Variants in LYST observed in about 807,000 individuals in gnomAD.
LYST encodes the protein lysosomal trafficking regulator.
Under a neutral mutation model 413.6 loss-of-function variants are expected in LYST, and 192 were observed. The observed-to-expected ratio is 0.46, with a 90% CI of 0.41 to 0.52. LYST has a LOEUF of 0.52. Among genes scored for constraint, LYST ranks in the 20% least tolerant of loss-of-function variants. LYST has a pLI of 0.00. For missense variants in LYST, 3,815 were observed against 4,499.9 expected, an observed-to-expected ratio of 0.85 and a Z score of 4.35; for synonymous variants, 1,525 against 1,567.3, an observed-to-expected ratio of 0.97 and a Z score of 0.64.
At chr1:235,858,327 A>T (rs539473923) in intron 1 of LYST, among the ~76,000 whole-genome samples, 1 of 152,348 alleles carries the variant, frequency 6.6e-6, no homozygotes, top group East Asian at 1.9e-4. Context: ...TAAGCATGAT[A>T]ACCTATGGAA....
intron 47 of LYST, among the ~76,000 whole-genome samples, chr1:235,692,733 G>A (rs1382714287): frequency 1.3e-5 from 2 of 151,456 alleles, no homozygotes; most frequent in African/African-American, 4.8e-5. Flanking sequence ...CCACAAAAAC[G>A]TTTACATGGG....
chr1:235,825,790 G>A (rs1675262278), intron 3 of LYST, among the ~76,000 whole-genome samples: 1 of 152,028 alleles, frequency 6.6e-6, no homozygotes, highest in African/African-American at 2.4e-5. Context: ...CATCTTAAAT[G>A]AAATCCTAGT....
At chr1:235,678,897 T>G (rs1659594283) in intron 48 of LYST, among the ~76,000 whole-genome samples, 1 of 152,228 alleles carries the variant, frequency 6.6e-6, no homozygotes, top group African/African-American at 2.4e-5. Flanking sequence ...GGTATTATTT[T>G]TTAGGTATCT....
At chr1:235,859,055 T>C (rs1001616347) in intron 1 of LYST, among the ~76,000 whole-genome samples, 8 of 152,226 alleles carry the variant, frequency 5.3e-5, no homozygotes, top group African/African-American at 1.9e-4. Flanking sequence ...CTCCAACCCA[T>C]GTTCTTCCTT....
chr1:235,836,242 T>C (rs544524893), intron 1 of LYST, among the ~76,000 whole-genome samples: 20 of 152,244 alleles, frequency 1.3e-4, no homozygotes, highest in Non-Finnish European at 2.8e-4. Flanking sequence ...CAAATGTTAT[T>C]GAACATTTAC....
Position 235,776,491 on chromosome 1 carries a change from AATG to A in LYST, c.5460+569_5460+571del, listed in dbSNP as rs1208662493. On this transcript the variant is annotated intron_variant, in intron 17 of 52. Coordinates refer to ENST00000389793, the MANE Select transcript of LYST (RefSeq NM_000081.4). ...GGGATGTGGATCCAGAGGAAGTAGA[AATG>A]ATTTTTACTAAAGTGAGACTGTTGG... Among the ~76,000 whole-genome samples the A allele has an allele frequency of 5.9e-5, 9 of 152,266 alleles. No homozygotes were observed. In the South Asian group the frequency reaches 1.2e-3, roughly 21 times the overall value.
intron 42 of LYST, among the ~76,000 whole-genome samples, chr1:235,714,760 C>T (rs539461517): frequency 3.9e-5 from 6 of 152,220 alleles, no homozygotes; most frequent in East Asian, 3.9e-4. Context: ...TGCCGGTGTG[C>T]GTCTTTTATT....
At chr1:235,676,487 T>A (rs935911540) in intron 50 of LYST, among the ~76,000 whole-genome samples, 1 of 152,202 alleles carries the variant, frequency 6.6e-6, no homozygotes, top group Non-Finnish European at 1.5e-5. Flanking sequence ...TGAGCTGGTA[T>A]GATAAGGAAG....
At chr1:235,770,468 G>A (rs1488653756) in intron 19 of LYST, among the ~76,000 whole-genome samples, 171 bp from the exon 20 acceptor site, 1 of 152,066 alleles carries the variant, frequency 6.6e-6, no homozygotes, top group Non-Finnish European at 1.5e-5. Flanking sequence ...ATTTTTTGTT[G>A]CCAATAGGCT....
At chr1:235,833,170 A>G (rs1676186047) in intron 2 of LYST, among the ~76,000 whole-genome samples, 1 of 151,948 alleles carries the variant, frequency 6.6e-6, no homozygotes, top group Non-Finnish European at 1.5e-5. Flanking sequence ...ATTAGGAAGT[A>G]TTCACCTCTT....
At chr1:235,827,647 CTATT>C (rs1675480978) in intron 3 of LYST, 1 of 984,604 alleles carries the variant, frequency 1.0e-6, no homozygotes, top group South Asian at 4.7e-5. Flanking sequence ...TTTTAAATGG[CTATT>C]TATTTTCACT....
Position 235,791,686 on chromosome 1 carries a change from C to A in LYST, c.4543+13G>T. 5.6e-6 allele frequency: 9 copies of A among 1,595,212 alleles called. No individual in the cohort carries two copies. The highest frequency in any genetic ancestry group is 7.7e-6 in the Non-Finnish European group (9 of 1,165,802). The stretch of plus-strand genomic sequence containing the variant: ...AATCTTTGTGTACAAATCAGATAAT[C>A]CTGTCATCATACCTGTACCATCAAA... On this transcript the variant is annotated intron_variant, in intron 12 of 52. Coordinates refer to ENST00000389793, the MANE Select transcript of LYST (RefSeq NM_000081.4).
At chr1:235,671,831 G>A (rs935337016) in intron 50 of LYST, among the ~76,000 whole-genome samples, 5 of 152,140 alleles carry the variant, frequency 3.3e-5, no homozygotes, top group Non-Finnish European at 7.4e-5. Flanking sequence ...GACATAATTC[G>A]ATTTACCTTT....
chr1:235,791,280 C>CAAA (rs200787319), intron 12 of LYST, among the ~76,000 whole-genome samples: 2 of 148,830 alleles, frequency 1.3e-5, no homozygotes, highest in Non-Finnish European at 3.0e-5. Flanking sequence ...GAAACTGTCT[C>CAAA]AAAAAAAAAG....
chr1:235,808,688 C>T lies in LYST; in HGVS notation c.2130G>A (p.Gln710=). The change falls in exon 5 of 53, where the codon CAG becomes CAA. Residue 710 remains glutamine, a synonymous_variant. Transcript: ENST00000389793. ...VFEEDRLHSI[Q]IANHICNLIQ... is the part of the protein sequence containing the mutation. ...TTAAATTGCAAATGTGATTTGCAAT[C>T]TGTATACTATGTAATCTGTCTTCTT... 1 of 1,613,540 alleles carries T rather than the reference C, an allele frequency of 6.2e-7. No individual in the cohort carries two copies. Among genetic ancestry groups the T allele is most frequent in the South Asian group, 1.1e-5 (1 of 91,072 alleles).
chr1:235,723,399 T>C (rs1381708633), intron 39 of LYST, among the ~76,000 whole-genome samples: 2 of 152,076 alleles, frequency 1.3e-5, no homozygotes, highest in Non-Finnish European at 2.9e-5. Context: ...AGAAGAGGTC[T>C]GAGGAAGGAG....
intron 43 of LYST, among the ~76,000 whole-genome samples, chr1:235,711,278 G>A (rs1251837590): frequency 6.6e-6 from 1 of 152,138 alleles, no homozygotes; most frequent in Non-Finnish European, 1.5e-5. Flanking sequence ...CCAAATTGCA[G>A]GTGCTGATGT....
Position 235,777,201 on chromosome 1 carries a change from G to A in LYST, c.5322C>T (p.Pro1774=), listed in dbSNP as rs751320821. Residue 1774 remains proline (P), a synonymous_variant, in exon 17 of 53, where the codon CCC becomes CCT. Coordinates refer to ENST00000389793, the MANE Select transcript of LYST (RefSeq NM_000081.4). The part of the protein sequence containing the change: ...GQMKTQLSQR[P]FSSKEVQSIL... ...TGCTCTGAACTTCTTTTGAGCTGAAGGGTCTTTGAGAGAGTTGGGTTTTCA... is the reference window on the plus strand; with the variant it reads ...TGCTCTGAACTTCTTTTGAGCTGAAAGGTCTTTGAGAGAGTTGGGTTTTCA... 1.9e-5 allele frequency: 31 copies of A among 1,613,622 alleles called. No homozygotes were observed. The highest frequency in any genetic ancestry group is 2.5e-5 in the Non-Finnish European group (30 of 1,179,812).
At chr1:235,705,113 T>A (rs1661872082) in intron 44 of LYST, among the ~76,000 whole-genome samples, 1 of 152,192 alleles carries the variant, frequency 6.6e-6, no homozygotes, top group Admixed American at 6.5e-5. Flanking sequence ...TTGACAAGTT[T>A]GTACATTTTG....
Sources: allele counts gnomAD v4.1 joint callset (sites outside exome capture counted in the v4.1 genomes callset), GRCh38; gene constraint gnomAD v4.1.1; transcripts MANE v1.5; gene names NCBI Gene and HGNC (gene_info 2026-07-23, HGNC 2026-07-21).